AAMDC: variants seen among roughly 807,000 people sequenced by gnomAD.
AAMDC encodes the protein mth938 domain-containing protein.
A neutral mutation model predicts 15.5 loss-of-function variants in AAMDC; 16 were observed. The observed-to-expected ratio is 1.03, with a 90% CI of 0.70 to 1.57. The LOEUF (loss-of-function observed/expected upper bound fraction) is 1.57, where lower values mean the gene tolerates loss of function less well. Ranked by LOEUF, AAMDC falls within the 40% of genes most tolerant of loss-of-function variation. The pLI, the probability that AAMDC is intolerant of heterozygous loss-of-function variation, is 0.00. For missense variants in AAMDC, 141 were observed against 144.9 expected (o/e 0.97, Z 0.14); for synonymous variants, 51 against 51.6 (o/e 0.99, Z 0.05).
chr11:77,830,537 G>A (rs139072973), intron 1 of AAMDC, among the ~76,000 whole-genome samples: 1,877 of 139,602 alleles, frequency 0.013, 38 homozygotes, highest in African/African-American at 0.049. Flanking sequence ...GGAGGGCTGT[G>A]TAAAGCTCAG....
At chr11:77,891,887 T>A (rs769224620) in intron 5 of AAMDC, 17 of 1,609,292 alleles carry the variant, frequency 1.1e-5, no homozygotes, top group Admixed American at 1.7e-5. Flanking sequence ...TGTGCACTCA[T>A]TCACCACAGG....
chr11:77,830,005 C>T (rs1049115838), intron 1 of AAMDC: 2 of 152,202 alleles, frequency 1.3e-5, no homozygotes, highest in Non-Finnish European at 2.9e-5. Flanking sequence ...GTGATGCACA[C>T]CTGTAGTCCT....
At chr11:77,856,475 C>T (rs567316545) in intron 2 of AAMDC, among the ~76,000 whole-genome samples, 1 of 152,230 alleles carries the variant, frequency 6.6e-6, no homozygotes, top group South Asian at 2.1e-4. Flanking sequence ...ATAGCAATAC[C>T]CCCTTCCTGG....
intron 5 of AAMDC, among the ~76,000 whole-genome samples, chr11:77,879,572 C>T (rs1590990710): frequency 6.6e-6 from 1 of 152,260 alleles, no homozygotes; most frequent in African/African-American, 2.4e-5. Flanking sequence ...GAGAGGAAGC[C>T]TTTGAATAGG....
At chr11:77,888,796 T>C (rs1952131744) in intron 5 of AAMDC, among the ~76,000 whole-genome samples, 1 of 152,182 alleles carries the variant, frequency 6.6e-6, no homozygotes. Context: ...AAAGAAGACA[T>C]TTATGCAGCC....
At chr11:77,889,410 G>T (rs201173895) in intron 5 of AAMDC, among the ~76,000 whole-genome samples, 1 of 147,344 alleles carries the variant, frequency 6.8e-6, no homozygotes, top group African/African-American at 2.5e-5. Flanking sequence ...GTAGGGGGAG[G>T]GGGGAGGGAT....
At chr11:77,858,302 C>CTTTTTTTTTTTTTTTTTT (rs71473358) in intron 2 of AAMDC, among the ~76,000 whole-genome samples, 5 of 69,358 alleles carry the variant, frequency 7.2e-5, no homozygotes, top group African/African-American at 3.1e-4. Flanking sequence ...TTAAGCAATT[C>CTTTTTTTTTTTTTTTTTT]TTTTTTTTTT....
chr11:77,873,219 A>T (rs991970105), downstream of AAMDC, among the ~76,000 whole-genome samples: 5 of 152,166 alleles, frequency 3.3e-5, no homozygotes, highest in Non-Finnish European at 7.4e-5. Context: ...CTAATTTCTT[A>T]GTTTCACTGT....
chr11:77,899,536 G>T (rs983362690), intron 5 of AAMDC, among the ~76,000 whole-genome samples: 1 of 151,952 alleles, frequency 6.6e-6, no homozygotes, highest in Non-Finnish European at 1.5e-5. Context: ...CGGGCATGGT[G>T]TTGCATGCCT....
At chr11:77,861,273 T>G (rs1051922263) in intron 2 of AAMDC, among the ~76,000 whole-genome samples, 6 of 152,130 alleles carry the variant, frequency 3.9e-5, no homozygotes, top group African/African-American at 1.4e-4. Context: ...CAGGCATAAT[T>G]AGAAAAGCAT....
At chr11:77,896,830 A>C (rs1274542702) in intron 5 of AAMDC, among the ~76,000 whole-genome samples, 48 of 152,044 alleles carry the variant, frequency 3.2e-4, no homozygotes, top group Non-Finnish European at 7.4e-5. Context: ...TCCCTGAGCC[A>C]AAAACAGCTG....
intron 2 of AAMDC, chr11:77,855,478 C>A (rs555227686): frequency 5.0e-4 from 99 of 197,372 alleles, no homozygotes; most frequent in African/African-American, 2.2e-3. Flanking sequence ...TGCCACCACA[C>A]CCAGGTAACT....
downstream of AAMDC, chr11:77,876,844 G>A: frequency 3.3e-6 from 2 of 608,770 alleles, no homozygotes; most frequent in Non-Finnish European, 5.9e-6. Context: ...TTATAAAAGG[G>A]GTACTTATCT....
rs767125358 is a variant in AAMDC, at chr11:77,852,757, A to T, written c.132+10129A>T. On this transcript the variant is annotated intron_variant, in intron 2 of 3. Transcript: ENST00000393427. Reference sequence around the variant, plus strand: ...AAATACAAAAATACATATATAAATAATTTTTTTTCTTTTTTTCCCATTTTC... The same window carrying T: ...AAATACAAAAATACATATATAAATATTTTTTTTTCTTTTTTTCCCATTTTC... Among the ~76,000 whole-genome samples the T allele has an allele frequency of 9.9e-4, 150 of 151,944 alleles. 1 individual carries two copies. Among genetic ancestry groups the T allele is most frequent in the Non-Finnish European group, 1.5e-3 (105 of 67,956 alleles).
chr11:77,893,448 AT>A (rs202115278), intron 5 of AAMDC, among the ~76,000 whole-genome samples: 1,637 of 152,240 alleles, frequency 0.011, 30 homozygotes, highest in African/African-American at 0.035. Flanking sequence ...TCTAAAAAAA[AT>A]ATATTAAAAA....
chr11:77,873,476 C>T (rs1220796018), downstream of AAMDC, among the ~76,000 whole-genome samples: 1 of 152,206 alleles, frequency 6.6e-6, no homozygotes, highest in Non-Finnish European at 1.5e-5. Flanking sequence ...CCCAAAGGAA[C>T]TATCTCACTC....
intron 5 of AAMDC, among the ~76,000 whole-genome samples, chr11:77,880,788 C>A (rs1378572778): frequency 6.6e-6 from 1 of 152,006 alleles, no homozygotes; most frequent in Non-Finnish European, 1.5e-5. Context: ...TGAGACCTGT[C>A]TCTACAAAAA....
At chr11:77,875,313 C>T (rs543997194), downstream of AAMDC, among the ~76,000 whole-genome samples, 48 of 152,234 alleles carry the variant, frequency 3.2e-4, no homozygotes, top group African/African-American at 1.1e-3. Context: ...AGAAATAAGG[C>T]GTGTAAACAT....
intron 1 of AAMDC, among the ~76,000 whole-genome samples, chr11:77,828,424 T>C (rs1949275029): frequency 6.6e-6 from 1 of 152,036 alleles, no homozygotes; most frequent in South Asian, 2.1e-4. Context: ...TCCCAGTACT[T>C]TGGGAGGCCG....
Sources: allele counts gnomAD v4.1 joint callset (sites outside exome capture counted in the v4.1 genomes callset), GRCh38; gene constraint gnomAD v4.1.1; transcripts MANE v1.5; gene names NCBI Gene and HGNC (gene_info 2026-07-23, HGNC 2026-07-21).